The following DOCK4 variants were observed in gnomAD, a reference collection of about 807,000 sequenced individuals.
The protein encoded by DOCK4 is dedicator of cytokinesis protein 4.
DOCK4 carries 97 observed loss-of-function variants against 268.1 expected under a neutral mutation model. The ratio of observed to expected loss-of-function variants is 0.36; its 90% CI spans 0.31 to 0.43. DOCK4 has a LOEUF of 0.43. DOCK4 is among the 20% of genes least tolerant of loss of function. The pLI, the probability that DOCK4 is intolerant of heterozygous loss-of-function variation, is 1.00. For synonymous variants in DOCK4, 954 were observed against 887.2 expected (o/e 1.08, Z -1.34); for missense variants, 2,145 against 2,455.7 (o/e 0.87, Z 2.67).
intron 1 of DOCK4, among the ~76,000 whole-genome samples, chr7:112,097,411 G>A (rs551837462): frequency 1.4e-5 from 2 of 147,636 alleles, no homozygotes; most frequent in African/African-American, 5.0e-5. Flanking sequence ...TCATCTCTAC[G>A]TTTTTTTTTT....
At chr7:111,904,337 A>G (rs937768885) in intron 13 of DOCK4, among the ~76,000 whole-genome samples, 11 of 152,242 alleles carry the variant, frequency 7.2e-5, no homozygotes, top group African/African-American at 1.9e-4. Flanking sequence ...TAGCAGGTGT[A>G]AGTCCTTAAT....
intron 1 of DOCK4, among the ~76,000 whole-genome samples, chr7:112,013,180 T>C (rs1364925446): frequency 1.3e-5 from 2 of 152,210 alleles, no homozygotes; most frequent in Non-Finnish European, 2.9e-5. Context: ...TCTGATTTTT[T>C]CTTCTTAGGT....
intron 13 of DOCK4, among the ~76,000 whole-genome samples, chr7:111,910,142 T>C (rs1485477832): frequency 6.6e-6 from 1 of 152,146 alleles, no homozygotes; most frequent in Non-Finnish European, 1.5e-5. Context: ...AAAGCTTAAA[T>C]AGTGAAATCA....
chr7:111,732,770 G>A (rs759223250), intron 51 of DOCK4, among the ~76,000 whole-genome samples: 1 of 152,124 alleles, frequency 6.6e-6, no homozygotes, highest in Non-Finnish European at 1.5e-5. Context: ...AACAACCCCA[G>A]TACTCCCCAA....
intron 30 of DOCK4, chr7:111,807,892 A>G (rs563654516): frequency 1.3e-5 from 2 of 149,628 alleles, no homozygotes; most frequent in South Asian, 2.1e-4. Context: ...AGGAATATAC[A>G]TACCCTATTA....
At chr7:112,081,663 TAAAC>T (rs1808596908) in intron 1 of DOCK4, among the ~76,000 whole-genome samples, 1 of 152,094 alleles carries the variant, frequency 6.6e-6, no homozygotes, top group Admixed American at 6.6e-5. Context: ...GACAGAAAAA[TAAAC>T]AAATCTTGGT....
intron 1 of DOCK4, among the ~76,000 whole-genome samples, chr7:112,032,556 A>C (rs1260048362): frequency 6.6e-6 from 1 of 152,168 alleles, no homozygotes; most frequent in African/African-American, 2.4e-5. Flanking sequence ...GAACCAATGA[A>C]GGATCTGTCT....
intron 1 of DOCK4, among the ~76,000 whole-genome samples, chr7:112,049,293 T>C (rs1284142674): frequency 2.6e-5 from 4 of 152,186 alleles, no homozygotes; most frequent in Non-Finnish European, 4.4e-5. Flanking sequence ...AATCTTGTTA[T>C]GCTACATGTG....
rs1403204907 is a variant in DOCK4, at chr7:111,913,756, C to T, written c.1192+2023G>A. On this transcript the variant is annotated intron_variant, in intron 13 of 52. Coordinates refer to ENST00000428084, the MANE Select transcript of DOCK4 (RefSeq NM_001363540.2). ...AATTAGCCAGGTGTGGTGGTATATG[C>T]TTGTAGTCCTAGCTACTCAGGAGGC... 7.4e-5 allele frequency among the ~76,000 whole-genome samples: 11 copies of T among 149,532 alleles called. 1 individual carries two copies. The Middle Eastern group carries it at 0.014, about 188-fold the overall frequency.
At chr7:112,057,557 TA>T (rs59998263) in intron 1 of DOCK4, among the ~76,000 whole-genome samples, 8,301 of 122,076 alleles carry the variant, frequency 0.068, 700 homozygotes, top group African/African-American at 0.21. Context: ...TCCCAAAAAA[TA>T]AAAAAAAAAA....
At chr7:111,734,716 C>A (rs936862587) in intron 51 of DOCK4, among the ~76,000 whole-genome samples, 1 of 152,062 alleles carries the variant, frequency 6.6e-6, no homozygotes, top group African/African-American at 2.4e-5. Context: ...GCTGAGTTAG[C>A]GGAGGTTGAT....
chr7:111,895,397 C>T (rs1441161302), intron 16 of DOCK4, among the ~76,000 whole-genome samples: 3 of 152,158 alleles, frequency 2.0e-5, no homozygotes, highest in African/African-American at 7.2e-5. Flanking sequence ...ACATCCACCC[C>T]TAAATTAGGA....
intron 1 of DOCK4, among the ~76,000 whole-genome samples, chr7:112,055,086 GT>G (rs1294368825): frequency 1.3e-5 from 2 of 152,202 alleles, no homozygotes; most frequent in African/African-American, 4.8e-5. Context: ...CTTTCAGTCA[GT>G]CAAACAATAT....
chr7:111,733,921 G>C lies in DOCK4; in HGVS notation c.5419+1133C>G, dbSNP rs1207133883. Among the ~76,000 whole-genome samples the C allele has an allele frequency of 2.0e-5, 3 of 152,132 alleles. No homozygotes were observed. In the East Asian group the frequency reaches 5.8e-4, roughly 29 times the overall value. The stretch of plus-strand genomic sequence containing the variant: ...TTGACTTTTGGCTTTGACAAGTATA[G>C]AGTAAACTAGGTGGCACATAGTTTA... On this transcript the variant is annotated intron_variant, in intron 51 of 52. Transcript: ENST00000428084.
At chr7:112,026,688 T>C (rs1252583841) in intron 1 of DOCK4, among the ~76,000 whole-genome samples, 3 of 152,236 alleles carry the variant, frequency 2.0e-5, no homozygotes, top group East Asian at 1.9e-4. Context: ...CATTCATGCA[T>C]TGACCTACTG....
intron 43 of DOCK4, among the ~76,000 whole-genome samples, chr7:111,746,907 G>A (rs550239404): frequency 1.3e-5 from 2 of 149,546 alleles, no homozygotes; most frequent in Non-Finnish European, 3.0e-5. Context: ...GGGATTACAG[G>A]TGTGAGCCAC....
At chr7:112,201,977 A>T (rs1820980662) in intron 1 of DOCK4, among the ~76,000 whole-genome samples, 1 of 152,224 alleles carries the variant, frequency 6.6e-6, no homozygotes, top group African/African-American at 2.4e-5. Context: ...CACTTACTTC[A>T]TTTACTATAA....
chr7:111,998,008 G>A (rs1178683634), intron 4 of DOCK4, among the ~76,000 whole-genome samples: 1 of 152,202 alleles, frequency 6.6e-6, no homozygotes, highest in Non-Finnish European at 1.5e-5. Context: ...ATGGCTTTGT[G>A]AAGTGGTCAC....
chr7:111,809,424 C>A, intron 28 of DOCK4, 23 bp from the exon 29 acceptor site: 1 of 1,523,610 alleles, frequency 6.6e-7, no homozygotes, highest in South Asian at 1.2e-5. Flanking sequence ...CAAGATATAT[C>A]AATACTATGG....
Sources: gnomAD v4.1 joint callset for allele counts (sites outside exome capture counted in the v4.1 genomes callset) on GRCh38, gnomAD v4.1.1 for gene constraint, MANE v1.5 for transcripts, NCBI Gene and HGNC (gene_info 2026-07-23, HGNC 2026-07-21) for gene names.